Variants in PCDHGA8 observed in about 807,000 individuals in gnomAD.
The protein encoded by PCDHGA8 is protocadherin gamma subfamily A, 8.
Under a neutral mutation model 59.2 loss-of-function variants are expected in PCDHGA8, and 45 were observed. The observed-to-expected ratio is 0.76, with a 90% CI of 0.60 to 0.98. The LOEUF (loss-of-function observed/expected upper bound fraction) is 0.98. Among genes scored for constraint, PCDHGA8 ranks in the 50% least tolerant of loss-of-function variants. The probability of loss-of-function intolerance (pLI) is 0.00; values close to 1 mark genes in which losing one functional copy is unlikely to be tolerated. For missense variants in PCDHGA8, 1,257 were observed against 1,196.2 expected (o/e 1.05, Z -0.75); for synonymous variants, 531 against 519.0 (o/e 1.02, Z -0.32).
chr5:141,427,046 C>A (rs916723344), intron 1 of PCDHGA8: 6 of 457,244 alleles, frequency 1.3e-5, no homozygotes, highest in African/African-American at 2.0e-5. Flanking sequence ...AGAATGTGCC[C>A]CCAGGCACCT....
At chr5:141,430,846 C>A in intron 1 of PCDHGA8, 1 of 1,576,344 alleles carries the variant, frequency 6.3e-7, no homozygotes, top group South Asian at 1.2e-5. Context: ...CCGGATGCAC[C>A]CAGATACGCT....
intron 1 of PCDHGA8, chr5:141,422,519 C>T (rs1297821851): frequency 6.2e-7 from 1 of 1,613,968 alleles, no homozygotes; most frequent in African/African-American, 1.3e-5. Context: ...CAGGGAAGCC[C>T]GCCTTTGTCT....
intron 1 of PCDHGA8, chr5:141,400,120 C>T: frequency 1.2e-6 from 2 of 1,614,076 alleles, no homozygotes; most frequent in Non-Finnish European, 1.7e-6. Flanking sequence ...TGACAGCTTG[C>T]AGGAGGTGCT....
chr5:141,445,433 C>A (rs2098466883), intron 1 of PCDHGA8, among the ~76,000 whole-genome samples: 1 of 152,136 alleles, frequency 6.6e-6, no homozygotes, highest in Non-Finnish European at 1.5e-5. Flanking sequence ...AAGGCACTGA[C>A]CTATGGACTA....
chr5:141,492,458 G>A (rs1333043781), intron 1 of PCDHGA8, among the ~76,000 whole-genome samples: 1 of 152,230 alleles, frequency 6.6e-6, no homozygotes, highest in Non-Finnish European at 1.5e-5. Flanking sequence ...GTGCGCGCCT[G>A]AGGGTCCCAG....
At chr5:141,417,656 G>A (rs1561768422) in intron 1 of PCDHGA8, 1 of 854,026 alleles carries the variant, frequency 1.2e-6, no homozygotes, top group Non-Finnish European at 1.7e-6. Context: ...CCTCTAGCCT[G>A]GGATTCCCTG....
At chr5:141,398,675 A>C (rs1462726875) in intron 1 of PCDHGA8, 1 of 1,613,974 alleles carries the variant, frequency 6.2e-7, no homozygotes, top group Non-Finnish European at 8.5e-7. Flanking sequence ...TTAATAATTA[A>C]GGAGAAACAG....
At chr5:141,481,649 C>G (rs1199734660) in intron 1 of PCDHGA8, among the ~76,000 whole-genome samples, 1 of 152,012 alleles carries the variant, frequency 6.6e-6, no homozygotes, top group African/African-American at 2.4e-5. Flanking sequence ...GAAACTTCAT[C>G]TCTACTAATA....
At position 141,512,350 on chromosome 5, in the gene PCDHGA8, G is replaced by C. The variant is rs1406428686; in HGVS notation, c.*1177G>C. ...CCATTCTTAGTCCCTGGGTTGGGGA[G>C]GCAGGGAGCTAGGGCAGGGACCAAA... is the stretch of plus-strand genomic sequence containing the variant. On this transcript the variant is annotated 3_prime_UTR_variant, in exon 4 of 4. Transcript: ENST00000398604. The C allele has an allele frequency of 6.5e-6, 1 of 152,906 alleles. No homozygotes were observed. The highest frequency in any genetic ancestry group is 1.9e-4 in the East Asian group (1 of 5,208). 9.5% of individuals were successfully genotyped at this position (152,906 alleles called of 1,614,324 possible).
chr5:141,419,465 G>T, intron 1 of PCDHGA8: 2 of 1,612,542 alleles, frequency 1.2e-6, no homozygotes, highest in Non-Finnish European at 1.7e-6. Context: ...GCAGGCCCGC[G>T]ACCAGGGCTC....
intron 1 of PCDHGA8, among the ~76,000 whole-genome samples, chr5:141,406,833 A>G (rs776807611): frequency 3.9e-5 from 6 of 152,238 alleles, no homozygotes; most frequent in Non-Finnish European, 4.4e-5. Flanking sequence ...ATGAACTTGC[A>G]TATCAGATAT....
At chr5:141,406,729 C>A (rs1051103218) in intron 1 of PCDHGA8, among the ~76,000 whole-genome samples, 1 of 152,200 alleles carries the variant, frequency 6.6e-6, no homozygotes, top group Non-Finnish European at 1.5e-5. Context: ...GTTTCTAAGA[C>A]TGGACACTGT....
Position 141,490,157 on chromosome 5 carries a change from G to T in PCDHGA8, c.2425-4650G>T. 1 of 1,614,210 alleles carries T rather than the reference G, an allele frequency of 6.2e-7. No homozygotes were observed. The highest frequency in any genetic ancestry group is 8.5e-7 in the Non-Finnish European group (1 of 1,180,038). On this transcript the variant is annotated intron_variant, in intron 1 of 3. Transcript: ENST00000398604. This position sits in a 1 kb window ranked among gnomAD's most constrained non-coding sequence, Gnocchi z 5.4. ...AGCAGTGGGGCAATCCATGTGTTGGGTCCCATAGACTTTGAGGAGTCACGT... is the reference window on the plus strand; with the variant it reads ...AGCAGTGGGGCAATCCATGTGTTGGTTCCCATAGACTTTGAGGAGTCACGT...
chr5:141,392,986 A>G lies in PCDHGA8; in HGVS notation c.173A>G (p.Lys58Arg), dbSNP rs573495684. ...AAGGACCTGGGGCTGGACCCCCGGA[A>G]GCTGGCGAAGCACGGAGTCCGTATC... ...ISKDLGLDPR[K>R]LAKHGVRIVS... Residue 58 changes from lysine to arginine, a missense_variant, in exon 1 of 4, where the codon AAG becomes AGG. Lys to Arg is a conservative substitution (Grantham distance 26, BLOSUM62 2). Transcript: ENST00000398604. 1.9e-6 allele frequency: 3 copies of G among 1,613,454 alleles called. No individual in the cohort carries two copies. The highest frequency in any genetic ancestry group is 4.5e-5 in the East Asian group (2 of 44,878).
chr5:141,487,616 G>T lies in PCDHGA8; in HGVS notation c.2425-7191G>T. The T allele has an allele frequency of 1.2e-6, 2 of 1,614,220 alleles. No homozygotes were observed. The highest frequency in any genetic ancestry group is 1.7e-6 in the Non-Finnish European group (2 of 1,180,044). ...CTCTGATCTTCTCTATGGGCTAGAGGTGAGACCTTTGCAGGCTCAACAAAT... is the reference window on the plus strand; with the variant it reads ...CTCTGATCTTCTCTATGGGCTAGAGTTGAGACCTTTGCAGGCTCAACAAAT... On this transcript the variant is annotated intron_variant, in intron 1 of 3. Coordinates refer to ENST00000398604, the MANE Select transcript of PCDHGA8 (RefSeq NM_032088.2). This position sits in a 1 kb window ranked among gnomAD's most constrained non-coding sequence, Gnocchi z 5.0.
In PCDHGA8 at chr5:141,511,233, T is replaced by C. The variant is rs776405064; in HGVS notation, c.*60T>C. 5.0e-6 allele frequency: 8 copies of C among 1,595,310 alleles called. No homozygotes were observed. Among genetic ancestry groups the C allele is most frequent in the Non-Finnish European group, 6.8e-6 (8 of 1,170,902 alleles). On this transcript the variant is annotated 3_prime_UTR_variant, in exon 4 of 4. Transcript: ENST00000398604. ...CTCCCCAACCAGCCCAGCTTCTCCT[T>C]ACCTGCACCCAGGCCTCAGAGTTTC...
At chr5:141,466,754 C>T (rs1045917268) in intron 1 of PCDHGA8, among the ~76,000 whole-genome samples, 1 of 152,138 alleles carries the variant, frequency 6.6e-6, no homozygotes, top group African/African-American at 2.4e-5. Context: ...GATAGGGGCT[C>T]TTTTCAAACT....
rs1299979776 is a variant in PCDHGA8 at position 141,512,453 on chromosome 5, G to GC, written c.*1282dup. On this transcript the variant is annotated 3_prime_UTR_variant, in exon 4 of 4. Transcript: ENST00000398604. ...TCCTGAAGCCTCAGTCCTTCACCTT[G>GC]CCAGGTGCCGTTTCTCTTCCGTGAA... The GC allele has an allele frequency of 6.5e-6, 1 of 152,880 alleles. No homozygotes were observed. The allele number at this position is 152,880 out of a possible 1,614,324, so 9.5% of individuals were successfully genotyped here.
In PCDHGA8 at chr5:141,394,226, C is replaced by CT. The variant is rs771492563; in HGVS notation, c.1417dup (p.Ser473PhefsTer38). The CT allele has an allele frequency of 8.2e-5, 132 of 1,613,834 alleles. No individual in the cohort carries two copies. The highest frequency in any genetic ancestry group is 1.1e-4 in the Non-Finnish European group (127 of 1,179,896). ...AGAACAACCTGAGAGGAGCCTCCATCTTTTCCTTGACTGCACACGACCCCG... is the reference window on the plus strand; with the variant it reads ...AGAACAACCTGAGAGGAGCCTCCATCTTTTTCCTTGACTGCACACGACCCCG... On this transcript the variant is annotated frameshift_variant, in exon 1 of 4. Transcript: ENST00000398604. LOFTEE classifies it high-confidence loss of function.
Sources: allele counts gnomAD v4.1 joint callset (sites outside exome capture counted in the v4.1 genomes callset), GRCh38; gene constraint gnomAD v4.1.1; non-coding constraint Gnocchi (gnomAD v3.1); transcripts MANE v1.5; gene names NCBI Gene and HGNC (gene_info 2026-07-23, HGNC 2026-07-21).